The following ABL1 variants were observed in gnomAD, a reference collection of about 807,000 sequenced individuals.
ABL1 encodes the protein ABL proto-oncogene 1, non-receptor tyrosine kinase, also known as tyrosine-protein kinase ABL1.
A neutral mutation model predicts 94.7 loss-of-function variants in ABL1; 11 were observed. The observed-to-expected ratio is 0.12, with a 90% confidence interval of 0.07 to 0.19. The LOEUF is 0.19. ABL1 is among the 10% of genes least tolerant of loss of function. The pLI, the probability that ABL1 is intolerant of heterozygous loss-of-function variation, is 1.00. For missense variants in ABL1, 1,082 were observed against 1,489.4 expected (o/e 0.73, Z 4.50); for synonymous variants, 656 against 622.4 (o/e 1.05, Z -0.80).
chr9:130,801,885 G>A (rs1320467904), intron 1 of ABL1, among the ~76,000 whole-genome samples: 1 of 152,118 alleles, frequency 6.6e-6, no homozygotes, highest in African/African-American at 2.4e-5. Flanking sequence ...TGAAGTGCAA[G>A]CTGCTTTGTT....
At chr9:130,727,964 G>A (rs1040624841) in intron 1 of ABL1, among the ~76,000 whole-genome samples, 3 of 151,788 alleles carry the variant, frequency 2.0e-5, no homozygotes, top group African/African-American at 7.3e-5. Flanking sequence ...GCACACTTCT[G>A]GTAAGACTAA....
At position 130,783,638 on chromosome 9, in the gene ABL1, T is replaced by TTTTG. The variant is rs374215786; in HGVS notation, c.136+69203_136+69206dup. Among the ~76,000 whole-genome samples, 37 of 152,090 alleles carry TTTTG rather than the reference T, an allele frequency of 2.4e-4. No individual in the cohort carries two copies. In the East Asian group the frequency reaches 3.3e-3, roughly 14 times the overall value. On this transcript the variant is annotated intron_variant, in intron 1 of 10. Coordinates refer to the ABL1 transcript ENST00000372348. ...CACTGTGGAAGTTTGTGCATGTGTT[T>TTTTG]TTTGTTTGTTTGTTTGTTTGTTTTT...
Position 130,887,324 on chromosome 9 carries a change from C to T in ABL1, c.*1641C>T, listed in dbSNP as rs1432901821. ...ACCTCTTTGCCCCCGACGGCTGTGACGCAGCCGGAGGGAGGCACTAGTCAC... is the reference window on the plus strand; with the variant it reads ...ACCTCTTTGCCCCCGACGGCTGTGATGCAGCCGGAGGGAGGCACTAGTCAC... On this transcript the variant is annotated 3_prime_UTR_variant, in exon 11 of 11. Transcript: ENST00000318560. 2 of 233,138 alleles carry T rather than the reference C, an allele frequency of 8.6e-6. No homozygotes were observed. The highest frequency in any genetic ancestry group is 2.2e-5 in the African/African-American group (1 of 45,358). 14.4% of individuals were successfully genotyped at this position (233,138 alleles called of 1,614,324 possible). A position where few individuals can be genotyped will look rare whatever the true frequency, so the allele number is the denominator to read the frequency against.
At position 130,799,597 on chromosome 9, in the gene ABL1, G is replaced by C. The variant is rs182051930; in HGVS notation, c.137-54467G>C. The stretch of plus-strand genomic sequence containing the variant: ...ATTAGATAATGGCACTTCCTTAAAA[G>C]GTTTGATGGGATTTCAATGGAATAT... On this transcript the variant is annotated intron_variant, in intron 1 of 10. Coordinates refer to the ABL1 transcript ENST00000372348. Among the ~76,000 whole-genome samples, 7 of 152,290 alleles carry C rather than the reference G, an allele frequency of 4.6e-5. No individual in the cohort carries two copies. The East Asian group carries it at 1.2e-3, about 25-fold the overall frequency.
At chr9:130,738,699 G>T (rs1831776594) in intron 1 of ABL1, among the ~76,000 whole-genome samples, 1 of 152,166 alleles carries the variant, frequency 6.6e-6, no homozygotes, top group African/African-American at 2.4e-5. Flanking sequence ...CTGATTGATG[G>T]ACAAATCATG....
Position 130,884,320 on chromosome 9 carries a change from G to A in ABL1, c.2030G>A (p.Gly677Glu). The A allele has an allele frequency of 6.2e-7, 1 of 1,611,776 alleles. No homozygotes were observed. The highest frequency in any genetic ancestry group is 1.3e-5 in the African/African-American group (1 of 75,026). Residue 677 changes from glycine to glutamate, a missense_variant, in exon 11 of 11, where the codon GGG becomes GAG. Physicochemically the swap from Gly to Glu is moderately conservative, Grantham distance 98. This residue lies in a region of ABL1 where 780 missense variants were observed against 835.8 expected (regional missense o/e 0.93). Transcript: ENST00000318560. The surrounding 1 kb of genome is among the most constrained non-coding windows in gnomAD (Gnocchi z 5.6). ...GVPNGALRES[G>E]GSGFRSPHLW... ...CCCAATGGAGCCCTCCGGGAGTCCG[G>A]GGGCTCAGGCTTCCGGTCTCCCCAC...
At chr9:130,855,204 T>A in intron 3 of ABL1, 108 bp downstream of exon 3, 1 of 1,304,626 alleles carries the variant, frequency 7.7e-7, no homozygotes, top group Non-Finnish European at 1.1e-6. Context: ...AGAAGATGTT[T>A]AAAGAATCTT....
At chr9:130,760,027 T>C (rs1398033360) in intron 1 of ABL1, among the ~76,000 whole-genome samples, 1 of 143,452 alleles carries the variant, frequency 7.0e-6, no homozygotes, top group African/African-American at 2.6e-5. Flanking sequence ...GGCTGGCCTC[T>C]AACTCCTGGG....
intron 1 of ABL1, among the ~76,000 whole-genome samples, chr9:130,757,919 G>T (rs1482765945): frequency 6.6e-6 from 1 of 152,124 alleles, no homozygotes; most frequent in African/African-American, 2.4e-5. Flanking sequence ...AGTTGATGAA[G>T]ATTTTGAGAA....
In ABL1 at chr9:130,863,265, G is replaced by A. The variant is rs770227952; in HGVS notation, c.822+230G>A. ...TGGTGAGAGCTGACAAGCATGGAGG[G>A]GTTTTGGTGTAAAAAGATTAGTCAT... On this transcript the variant is annotated intron_variant, in intron 4 of 10. Transcript: ENST00000318560. The surrounding 1 kb of genome is among the most constrained non-coding windows in gnomAD (Gnocchi z 4.3). Among the ~76,000 whole-genome samples, 2 of 152,130 alleles carry A rather than the reference G, an allele frequency of 1.3e-5. No individual in the cohort carries two copies. Among genetic ancestry groups the A allele is most frequent in the African/African-American group, 2.4e-5 (1 of 41,422 alleles).
intron 1 of ABL1, among the ~76,000 whole-genome samples, chr9:130,789,062 C>T (rs1046308661): frequency 6.6e-6 from 1 of 152,068 alleles, no homozygotes; most frequent in African/African-American, 2.4e-5. Flanking sequence ...TGTGGGGAGA[C>T]ATTTTGTGAC....
chr9:130,742,755 CAA>C (rs1469448509), intron 1 of ABL1, among the ~76,000 whole-genome samples: 1 of 152,060 alleles, frequency 6.6e-6, no homozygotes, highest in African/African-American at 2.4e-5. Context: ...TGTGAGCAAA[CAA>C]ATATGTGTGT....
intron 1 of ABL1, among the ~76,000 whole-genome samples, chr9:130,794,089 G>A (rs1210493437): frequency 6.6e-6 from 1 of 152,028 alleles, no homozygotes; most frequent in East Asian, 1.9e-4. Flanking sequence ...TATAAATAAA[G>A]TGCACAATAA....
chr9:130,719,271 A>G (rs547958062), intron 1 of ABL1, among the ~76,000 whole-genome samples: 2 of 152,252 alleles, frequency 1.3e-5, no homozygotes, highest in South Asian at 2.1e-4. Context: ...GCTCATGCCT[A>G]TAATCCCAGC....
At chr9:130,722,309 C>A (rs2132676785) in intron 1 of ABL1, among the ~76,000 whole-genome samples, 1 of 152,192 alleles carries the variant, frequency 6.6e-6, no homozygotes, top group Non-Finnish European at 1.5e-5. Flanking sequence ...AGGAGAATCG[C>A]TTGAACCTGG....
At chr9:130,826,833 C>T (rs1420739575) in intron 1 of ABL1, among the ~76,000 whole-genome samples, 1 of 152,104 alleles carries the variant, frequency 6.6e-6, no homozygotes, top group African/African-American at 2.4e-5. Context: ...AATCCCAGCA[C>T]TTTGGGAGGC....
rs753103329 is a variant in ABL1, at chr9:130,872,939, G to T, written c.987G>T (p.Glu329Asp). 6.2e-6 allele frequency: 10 copies of T among 1,614,236 alleles called. No homozygotes were observed. The highest frequency in any genetic ancestry group is 3.3e-4 in the Middle Eastern group (2 of 6,062). Reference protein sequence around the residue: ...TYGNLLDYLRECNRQEVNAVV... With the variant: ...TYGNLLDYLRDCNRQEVNAVV... ...GGAACCTCCTGGACTACCTGAGGGAGTGCAACCGGCAGGAGGTGAACGCCG... is the reference window on the plus strand; with the variant it reads ...GGAACCTCCTGGACTACCTGAGGGATTGCAACCGGCAGGAGGTGAACGCCG... Residue 329 changes from glutamate to aspartate, a missense_variant, in exon 6 of 11, where the codon GAG (glutamate) becomes GAT (aspartate). Transcript: ENST00000318560. The surrounding 1 kb of genome is among the most constrained non-coding windows in gnomAD (Gnocchi z 5.0).
intron 1 of ABL1, among the ~76,000 whole-genome samples, chr9:130,737,129 A>C (rs1378183686): frequency 6.6e-6 from 1 of 152,060 alleles, no homozygotes; most frequent in Non-Finnish European, 1.5e-5. Context: ...GTAAGGAGAG[A>C]CTTTATTGAA....
chr9:130,879,361 G>A (rs997221482), intron 8 of ABL1, among the ~76,000 whole-genome samples: 2 of 152,114 alleles, frequency 1.3e-5, no homozygotes, highest in East Asian at 3.9e-4. Flanking sequence ...TCTTATTTAT[G>A]TATAGCTGCC....
Sources: gnomAD v4.1 joint callset for allele counts (sites outside exome capture counted in the v4.1 genomes callset) on GRCh38, gnomAD v4.1.1 for gene constraint, gnomAD v4.1.1 regional missense constraint, Gnocchi (gnomAD v3.1) non-coding constraint, MANE v1.5 for transcripts, NCBI Gene and HGNC (gene_info 2026-07-23, HGNC 2026-07-21) for gene names.